The following KMT2C variants were observed in gnomAD, a reference collection of about 807,000 sequenced individuals.
KMT2C encodes the protein lysine methyltransferase 2C.
KMT2C carries 88 observed loss-of-function variants against 507.9 expected under a neutral mutation model. That is an observed-to-expected ratio of 0.17 (90% CI 0.15 to 0.21). The LOEUF is 0.21. Ranked by LOEUF, KMT2C falls within the 10% of genes least tolerant of loss-of-function variation. The probability of loss-of-function intolerance (pLI) is 1.00; values close to 1 mark genes in which losing one functional copy is unlikely to be tolerated. For synonymous variants in KMT2C, 2,049 were observed against 2,080.8 expected, an observed-to-expected ratio of 0.98 and a Z score of 0.42; for missense variants, 4,954 against 5,957.8, an observed-to-expected ratio of 0.83 and a Z score of 5.55.
intron 1 of KMT2C, among the ~76,000 whole-genome samples, chr7:152,371,976 T>A: frequency 6.7e-6 from 1 of 149,976 alleles, no homozygotes; most frequent in East Asian, 2.0e-4. Context: ...AAACAGAAAA[T>A]CAAAAGCATA....
Position 152,282,626 on chromosome 7 carries a change from A to C in KMT2C, c.850-8759T>G, listed in dbSNP as rs527543076. 2.0e-5 allele frequency among the ~76,000 whole-genome samples: 3 copies of C among 152,296 alleles called. No individual in the cohort carries two copies. The South Asian group carries it at 6.2e-4, about 32-fold the overall frequency. On this transcript the variant is annotated intron_variant, in intron 6 of 58. Coordinates refer to ENST00000262189, the MANE Select transcript of KMT2C (RefSeq NM_170606.3). ...TACAAAGCCAATTACACAAAGTACA[A>C]ACATAGGCAAGACTCACCTATGTTG... is the stretch of plus-strand genomic sequence containing the variant.
intron 23 of KMT2C, among the ~76,000 whole-genome samples, chr7:152,216,922 G>A (rs1248753368): frequency 3.9e-5 from 6 of 152,208 alleles, no homozygotes; most frequent in Admixed American, 6.5e-5. Flanking sequence ...GGAAGAGCCA[G>A]TGCTGGGTGC....
intron 4 of KMT2C, among the ~76,000 whole-genome samples, chr7:152,314,712 A>G (rs962633328): frequency 4.6e-5 from 7 of 152,168 alleles, no homozygotes; most frequent in Non-Finnish European, 7.4e-5. Context: ...GTGAAAACCA[A>G]TTCTGGATTT....
chr7:152,328,702 T>C (rs1464561079), intron 3 of KMT2C, among the ~76,000 whole-genome samples: 3 of 152,176 alleles, frequency 2.0e-5, no homozygotes, highest in African/African-American at 7.2e-5. Context: ...GTTAAAAGGC[T>C]ACTACAACTT....
chr7:152,249,463 G>A (rs901516077), intron 13 of KMT2C, among the ~76,000 whole-genome samples: 8 of 150,848 alleles, frequency 5.3e-5, no homozygotes, highest in Admixed American at 1.3e-4. Flanking sequence ...TGCTGGGACT[G>A]CACACATGTG....
At chr7:152,224,383 T>C (rs1431030296) in intron 19 of KMT2C, 52 bp downstream of exon 19, 4 of 1,557,832 alleles carry the variant, frequency 2.6e-6, no homozygotes, top group East Asian at 4.5e-5. Context: ...CAAAGTGGTA[T>C]GAGAAAGCTC....
At chr7:152,399,957 G>A (rs1236055743) in intron 1 of KMT2C, among the ~76,000 whole-genome samples, 2 of 151,994 alleles carry the variant, frequency 1.3e-5, no homozygotes, top group Admixed American at 6.6e-5. Context: ...ATATTGGGGA[G>A]GATTAATTCA....
chr7:152,216,700 T>C (rs546358680), intron 23 of KMT2C, among the ~76,000 whole-genome samples: 29 of 152,318 alleles, frequency 1.9e-4, no homozygotes, highest in Admixed American at 1.4e-3. Context: ...ATTAAGCTCA[T>C]AGAATAATTG....
At chr7:152,241,440 T>C (rs970596809) in intron 14 of KMT2C, among the ~76,000 whole-genome samples, 8 of 152,286 alleles carry the variant, frequency 5.3e-5, no homozygotes, top group African/African-American at 1.9e-4. Flanking sequence ...TCCACCAGCC[T>C]TGGCATCCCA....
intron 53 of KMT2C, among the ~76,000 whole-genome samples, 155 bp from the exon 54 acceptor site, chr7:152,145,450 T>C (rs531547739): frequency 5.9e-4 from 90 of 152,334 alleles, no homozygotes; most frequent in Non-Finnish European, 9.3e-4. Context: ...ACTATTGGCC[T>C]GCAGGTAGAT....
chr7:152,144,594 A>G lies in KMT2C; in HGVS notation c.14343+119T>C. The G allele has an allele frequency of 1.0e-6, 1 of 999,198 alleles. No individual in the cohort carries two copies. Among genetic ancestry groups the G allele is most frequent in the Non-Finnish European group, 1.5e-6 (1 of 666,164 alleles). 61.9% of individuals were successfully genotyped at this position (999,198 alleles called of 1,614,324 possible). On this transcript the variant is annotated intron_variant, in intron 55 of 58. Coordinates refer to ENST00000262189, the MANE Select transcript of KMT2C (RefSeq NM_170606.3). This position sits in a 1 kb window ranked among gnomAD's most constrained non-coding sequence, Gnocchi z 4.4. Reference sequence around the variant, plus strand: ...GGGACAGGATTTGATACGATTTTGAAAACACGTTTCTGTCCCTGCAGCTAT... The same window carrying G: ...GGGACAGGATTTGATACGATTTTGAGAACACGTTTCTGTCCCTGCAGCTAT...
At chr7:152,358,293 G>A (rs1313157226) in intron 2 of KMT2C, among the ~76,000 whole-genome samples, 3 of 151,912 alleles carry the variant, frequency 2.0e-5, no homozygotes, top group Non-Finnish European at 2.9e-5. Flanking sequence ...TACTATGAGC[G>A]ATTATACTAA....
chr7:152,190,182 G>A (rs6950174), intron 31 of KMT2C, among the ~76,000 whole-genome samples: 1,929 of 152,216 alleles, frequency 0.013, 38 homozygotes, highest in African/African-American at 0.044. Flanking sequence ...TCCCTGGTGC[G>A]AAAAAGGCTG....
At chr7:152,300,283 G>A (rs1309328012) in intron 6 of KMT2C, among the ~76,000 whole-genome samples, 2 of 152,148 alleles carry the variant, frequency 1.3e-5, no homozygotes, top group African/African-American at 2.4e-5. Flanking sequence ...TCCTAGGCTG[G>A]CTTCTGAGAA....
chr7:152,303,839 T>C (rs2096592821), intron 6 of KMT2C, among the ~76,000 whole-genome samples: 2 of 152,068 alleles, frequency 1.3e-5, no homozygotes, highest in South Asian at 4.2e-4. Flanking sequence ...AATACAAAAA[T>C]TAGCCAGGCG....
At chr7:152,307,192 AGGG>A (rs1329369805) in intron 6 of KMT2C, among the ~76,000 whole-genome samples, 1 of 57,452 alleles carries the variant, frequency 1.7e-5, no homozygotes. Flanking sequence ...AGGAAAGAAG[AGGG>A]AGGAAGGAAG....
At chr7:152,226,219 CTTTTTT>C (rs869076803) in intron 18 of KMT2C, among the ~76,000 whole-genome samples, 14 of 94,954 alleles carry the variant, frequency 1.5e-4, no homozygotes, top group South Asian at 3.7e-4. Context: ...ATTACAAGGC[CTTTTTT>C]TTTTTTTTTT....
At chr7:152,385,611 C>CAAAAAAAAAAAAAAAAAAA (rs1160527130) in intron 1 of KMT2C, among the ~76,000 whole-genome samples, 3 of 19,442 alleles carry the variant, frequency 1.5e-4, no homozygotes, top group Non-Finnish European at 2.2e-4. Flanking sequence ...GACTCCGTCT[C>CAAAAAAAAAAAAAAAAAAA]AAAAAAAAAA....
intron 1 of KMT2C, among the ~76,000 whole-genome samples, chr7:152,362,159 T>C (rs966416759): frequency 2.6e-5 from 4 of 152,226 alleles, no homozygotes; most frequent in Admixed American, 2.6e-4. Flanking sequence ...ATAACAGATT[T>C]ATAAAATAAA....
Sources: gnomAD v4.1 joint callset for allele counts (sites outside exome capture counted in the v4.1 genomes callset) on GRCh38, gnomAD v4.1.1 for gene constraint, Gnocchi (gnomAD v3.1) non-coding constraint, MANE v1.5 for transcripts, NCBI Gene and HGNC (gene_info 2026-07-23, HGNC 2026-07-21) for gene names.